Variants in CNTLN observed in about 807,000 individuals in gnomAD.
CNTLN encodes centlein, centrosomal protein.
A neutral mutation model predicts 180.0 loss-of-function variants in CNTLN; 212 were observed. The ratio of observed to expected loss-of-function variants is 1.18; its 90% CI spans 1.05 to 1.32. The LOEUF (loss-of-function observed/expected upper bound fraction) is 1.32, where lower values mean the gene tolerates loss of function less well. CNTLN is among the 40% of genes most tolerant of loss of function. CNTLN has a pLI of 0.00. For missense variants in CNTLN, 2,095 were observed against 1,610.9 expected (o/e 1.30, Z -5.14); for synonymous variants, 722 against 563.1 (o/e 1.28, Z -3.99).
intron 5 of CNTLN, among the ~76,000 whole-genome samples, chr9:17,270,372 T>C (rs1752039536): frequency 6.6e-6 from 1 of 152,172 alleles, no homozygotes; most frequent in Admixed American, 6.5e-5. Flanking sequence ...ATTGGCATCT[T>C]CATATTTTTT....
intron 2 of CNTLN, among the ~76,000 whole-genome samples, chr9:17,187,480 A>T (rs1241925984): frequency 1.3e-5 from 2 of 152,030 alleles, no homozygotes; most frequent in African/African-American, 2.4e-5. Flanking sequence ...TTGAGAAAAT[A>T]ATCATAGACC....
chr9:17,346,207 C>G (rs998111232), intron 12 of CNTLN, among the ~76,000 whole-genome samples: 1 of 151,896 alleles, frequency 6.6e-6, no homozygotes, highest in African/African-American at 2.4e-5. Context: ...GGGAAGAGTC[C>G]CATATAAAAC....
At chr9:17,297,545 A>G (rs1332846381) in intron 6 of CNTLN, among the ~76,000 whole-genome samples, 1 of 152,166 alleles carries the variant, frequency 6.6e-6, no homozygotes, top group Non-Finnish European at 1.5e-5. Flanking sequence ...TAGTGCCATC[A>G]TTACCACCAC....
chr9:17,520,629 A>G, the CNTLN span, among the ~76,000 whole-genome samples: 1 of 152,202 alleles, frequency 6.6e-6, no homozygotes, highest in South Asian at 2.1e-4. Context: ...TACACATGAA[A>G]AGGGAGCTCT....
chr9:17,171,213 G>A (rs930968083), intron 2 of CNTLN, among the ~76,000 whole-genome samples: 1 of 151,574 alleles, frequency 6.6e-6, no homozygotes, highest in Admixed American at 6.6e-5. Context: ...TTGTTTTTTG[G>A]TGGCATCTTG....
chr9:17,268,308 C>A (rs898235420), intron 5 of CNTLN, among the ~76,000 whole-genome samples: 4 of 152,206 alleles, frequency 2.6e-5, no homozygotes, highest in Admixed American at 1.3e-4. Context: ...CCACTCCAGA[C>A]CCTGTTTGCC....
intron 24 of CNTLN, among the ~76,000 whole-genome samples, chr9:17,486,680 C>A (rs1832905570): frequency 6.6e-6 from 1 of 151,956 alleles, no homozygotes; most frequent in African/African-American, 2.4e-5. Flanking sequence ...TATATAACTC[C>A]ATCTGATTTT....
At chr9:17,379,694 G>T (rs990110674) in intron 13 of CNTLN, among the ~76,000 whole-genome samples, 9 of 151,962 alleles carry the variant, frequency 5.9e-5, no homozygotes, top group African/African-American at 2.2e-4. Flanking sequence ...TCTTCTTATT[G>T]AACATGTTTT....
At chr9:17,466,270 C>T in intron 22 of CNTLN, 152 bp downstream of exon 22, 1 of 607,486 alleles carries the variant, frequency 1.6e-6, no homozygotes, top group Non-Finnish European at 2.8e-6. Context: ...ACATGAAACG[C>T]CAAACATTGG....
At chr9:17,510,712 G>A in the CNTLN span, among the ~76,000 whole-genome samples, 1 of 152,258 alleles carries the variant, frequency 6.6e-6, no homozygotes, top group South Asian at 2.1e-4. Context: ...GACTTGCTAG[G>A]CTCCATAATT....
intron 14 of CNTLN, among the ~76,000 whole-genome samples, chr9:17,390,203 C>CA (rs1825991832): frequency 1.4e-5 from 2 of 147,252 alleles, no homozygotes; most frequent in African/African-American, 5.0e-5. Flanking sequence ...TTCATAATAT[C>CA]AGGCATTGTA....
rs1000370632 is a variant in CNTLN, at chr9:17,167,053, A to G, written c.449+23677A>G. On this transcript the variant is annotated intron_variant, in intron 2 of 25. Transcript: ENST00000380647. ...GCAGTGATAGATTGTAATGTTTTTGAGAAAGATATTTCATACTTTTTGAGA... is the reference window on the plus strand; with the variant it reads ...GCAGTGATAGATTGTAATGTTTTTGGGAAAGATATTTCATACTTTTTGAGA... 7 of 207,206 alleles carry G rather than the reference A, an allele frequency of 3.4e-5. No homozygotes were observed. In the Admixed American group the frequency reaches 3.8e-4, roughly 11 times the overall value. The allele number at this position is 207,206 out of a possible 1,614,324, so 12.8% of individuals were successfully genotyped here.
intron 2 of CNTLN, among the ~76,000 whole-genome samples, chr9:17,195,004 C>A (rs774371503): frequency 3.3e-5 from 5 of 152,012 alleles, no homozygotes; most frequent in African/African-American, 9.7e-5. Flanking sequence ...GGAAACCGCC[C>A]CCATAATTCA....
chr9:17,528,069 A>C, the CNTLN span, among the ~76,000 whole-genome samples: 36 of 152,246 alleles, frequency 2.4e-4, no homozygotes, highest in African/African-American at 8.2e-4. Flanking sequence ...AAGCAGAAGA[A>C]AATAAAGATA....
At chr9:17,384,891 A>C (rs1015828271) in intron 13 of CNTLN, among the ~76,000 whole-genome samples, 1 of 152,180 alleles carries the variant, frequency 6.6e-6, no homozygotes, top group Non-Finnish European at 1.5e-5. Context: ...AATTCAGTTC[A>C]ATTCTAGCTA....
intron 2 of CNTLN, among the ~76,000 whole-genome samples, chr9:17,164,216 G>T (rs1819888874): frequency 6.7e-6 from 1 of 150,290 alleles, no homozygotes; most frequent in African/African-American, 2.4e-5. Context: ...GGAGGCTGAG[G>T]CAGGAGAATC....
chr9:17,202,770 A>G (rs189594441), intron 2 of CNTLN, among the ~76,000 whole-genome samples: 1 of 149,332 alleles, frequency 6.7e-6, no homozygotes, highest in South Asian at 2.1e-4. Flanking sequence ...CAGCACACCC[A>G]TGGGTCTTGA....
chr9:17,491,857 C>T (rs1833177897), intron 25 of CNTLN, among the ~76,000 whole-genome samples: 1 of 148,964 alleles, frequency 6.7e-6, no homozygotes, highest in Non-Finnish European at 1.5e-5. Context: ...TGCAGTGTGG[C>T]AGTGGGAAGG....
intron 8 of CNTLN, among the ~76,000 whole-genome samples, chr9:17,320,794 T>C (rs7044823): frequency 0.59 from 90,471 of 152,060 alleles, 27,200 homozygotes; most frequent in East Asian, 0.73. Flanking sequence ...CAAGCCACCG[T>C]GTCTGGCCTC....
Sources: gnomAD v4.1 joint callset for allele counts (sites outside exome capture counted in the v4.1 genomes callset) on GRCh38, gnomAD v4.1.1 for gene constraint, MANE v1.5 for transcripts, NCBI Gene and HGNC (gene_info 2026-07-23, HGNC 2026-07-21) for gene names.